The following FAM184A variants were observed in gnomAD, a reference collection of about 807,000 sequenced individuals.
The protein encoded by FAM184A is protein FAM184A.
In FAM184A, 99 loss-of-function variants were observed where a neutral mutation model predicts 143.8. That is an observed-to-expected ratio of 0.69 (90% CI 0.58 to 0.81). The LOEUF (loss-of-function observed/expected upper bound fraction) is 0.81, where lower values mean the gene tolerates loss of function less well. FAM184A is among the 40% of genes least tolerant of loss of function. The probability of loss-of-function intolerance (pLI) is 0.00; values close to 1 mark genes in which losing one functional copy is unlikely to be tolerated. For synonymous variants in FAM184A, 427 were observed against 446.4 expected (o/e 0.96, Z 0.55); for missense variants, 1,217 against 1,310.5 (o/e 0.93, Z 1.10).
chr6:119,023,561 C>A lies in FAM184A; in HGVS notation c.1014+398G>T, dbSNP rs373660562. On this transcript the variant is annotated intron_variant, in intron 2 of 17. Coordinates refer to ENST00000338891, the MANE Select transcript of FAM184A (RefSeq NM_024581.6). Reference sequence around the variant, plus strand: ...ATAATTAGCAATATTGTCCGCCCCCCCCCCCAGGAACAGCGTATTACCTCG... The same window carrying A: ...ATAATTAGCAATATTGTCCGCCCCCACCCCCAGGAACAGCGTATTACCTCG... Among the ~76,000 whole-genome samples, 37 of 119,802 alleles carry A rather than the reference C, an allele frequency of 3.1e-4. 1 individual carries two copies. The highest frequency in any genetic ancestry group is 4.9e-4 in the Non-Finnish European group (29 of 58,692). 78.6% of individuals were successfully genotyped at this position (119,802 alleles called of 152,430 possible).
chr6:119,044,377 A>G (rs2114733184), intron 1 of FAM184A, among the ~76,000 whole-genome samples: 1 of 152,278 alleles, frequency 6.6e-6, no homozygotes, highest in Non-Finnish European at 1.5e-5. Flanking sequence ...GAGACCAGGA[A>G]TTCAAGACTA....
intron 1 of FAM184A, among the ~76,000 whole-genome samples, chr6:119,027,326 T>C (rs770747989): frequency 1.3e-5 from 2 of 152,214 alleles, no homozygotes; most frequent in African/African-American, 4.8e-5. Context: ...TCACAGACCA[T>C]GGTCTTTAAG....
intron 11 of FAM184A, 132 bp downstream of exon 11, chr6:118,979,233 T>G: frequency 1.3e-6 from 1 of 795,786 alleles, no homozygotes; most frequent in Non-Finnish European, 1.9e-6. Context: ...TCAAATAAAA[T>G]ATGCAGTACA....
chr6:119,078,027 G>T lies in FAM184A; in HGVS notation c.159+114C>A. The stretch of plus-strand genomic sequence containing the variant: ...GGTGTCTCCGGCTGTTGCTTCGGCG[G>T]AGGAGTAGAGTTCCCCTCGCTGCGG... On this transcript the variant is annotated intron_variant, in intron 1 of 17. Transcript: ENST00000338891. The surrounding 1 kb of genome is among the most constrained non-coding windows in gnomAD (Gnocchi z 5.5). The T allele has an allele frequency of 8.1e-7, 1 of 1,237,956 alleles. No homozygotes were observed. Among genetic ancestry groups the T allele is most frequent in the Non-Finnish European group, 1.1e-6 (1 of 914,352 alleles). The allele number at this position is 1,237,956 out of a possible 1,614,324, so 76.7% of individuals were successfully genotyped here.
intron 1 of FAM184A, among the ~76,000 whole-genome samples, chr6:119,143,616 A>G (rs1253330694): frequency 1.3e-5 from 2 of 152,254 alleles, no homozygotes; most frequent in Admixed American, 6.5e-5. Context: ...TGAATAGAAT[A>G]TTATCCAGCC....
intron 1 of FAM184A, among the ~76,000 whole-genome samples, chr6:119,043,971 AACCC>A (rs1327518197): frequency 1.3e-5 from 2 of 152,250 alleles, no homozygotes. Context: ...GAGTAAATGA[AACCC>A]AAAACAGAAG....
At chr6:119,094,434 G>A (rs1315529527) in intron 1 of FAM184A, among the ~76,000 whole-genome samples, 7 of 152,146 alleles carry the variant, frequency 4.6e-5, no homozygotes, top group African/African-American at 1.7e-4. Context: ...TTTCATCCCA[G>A]TATTAGATAC....
intron 1 of FAM184A, among the ~76,000 whole-genome samples, chr6:119,111,189 C>T (rs1788920817): frequency 6.6e-6 from 1 of 152,124 alleles, no homozygotes; most frequent in African/African-American, 2.4e-5. Context: ...TATTATTCAG[C>T]CTCAAAAAGG....
At chr6:119,037,309 G>A (rs1786150251) in intron 1 of FAM184A, among the ~76,000 whole-genome samples, 1 of 152,120 alleles carries the variant, frequency 6.6e-6, no homozygotes, top group African/African-American at 2.4e-5. Flanking sequence ...GCAGTTGTGA[G>A]GGGTTTTTTT....
intron 1 of FAM184A, among the ~76,000 whole-genome samples, chr6:119,027,039 C>G (rs983637591): frequency 4.6e-5 from 7 of 152,036 alleles, no homozygotes; most frequent in Non-Finnish European, 4.4e-5. Context: ...CGTCCACAAC[C>G]CCCTTATCTA....
At position 119,024,207 on chromosome 6, in the gene FAM184A, G is replaced by C; in HGVS notation, c.766C>G (p.Gln256Glu). Residue 256 changes from glutamine (Q) to glutamate (E), a missense_variant, in exon 2 of 18, where the codon CAG (glutamine) becomes GAG (glutamate). Transcript: ENST00000338891. ...EDYEGKLNKAQSFYERELDTL... is the reference protein window; with the variant it reads ...EDYEGKLNKAESFYERELDTL... Reference sequence around the variant, plus strand: ...TCAAGCTCACGTTCATAAAAGGACTGAGCTTTATTCAACTTGCCTTCATAA... The same window carrying C: ...TCAAGCTCACGTTCATAAAAGGACTCAGCTTTATTCAACTTGCCTTCATAA... The C allele has an allele frequency of 6.2e-7, 1 of 1,614,212 alleles. No individual in the cohort carries two copies. The highest frequency in any genetic ancestry group is 8.5e-7 in the Non-Finnish European group (1 of 1,180,052).
At chr6:119,148,224 C>T (rs1407612423) in intron 1 of FAM184A, among the ~76,000 whole-genome samples, 1 of 152,190 alleles carries the variant, frequency 6.6e-6, no homozygotes, top group East Asian at 1.9e-4. Context: ...GGAGCCCAGG[C>T]AGGGCTTGGC....
chr6:118,970,764 C>T (rs140628407), intron 14 of FAM184A, among the ~76,000 whole-genome samples: 122 of 152,202 alleles, frequency 8.0e-4, no homozygotes, highest in African/African-American at 2.8e-3. Context: ...AGAAGTAGAA[C>T]ATATAAAATT....
chr6:119,116,625 T>C (rs1296166007), intron 1 of FAM184A, among the ~76,000 whole-genome samples: 2 of 152,164 alleles, frequency 1.3e-5, no homozygotes, highest in African/African-American at 2.4e-5. Context: ...ATAAAAACAT[T>C]ACAAGGCGAT....
intron 15 of FAM184A, among the ~76,000 whole-genome samples, chr6:118,965,189 T>C (rs1783460978): frequency 1.5e-5 from 2 of 134,552 alleles, no homozygotes; most frequent in Non-Finnish European, 3.1e-5. Context: ...CATACCCAGC[T>C]AAGTTTTTTT....
chr6:118,985,637 C>G (rs1259967008), intron 9 of FAM184A, among the ~76,000 whole-genome samples: 1 of 152,174 alleles, frequency 6.6e-6, no homozygotes, highest in East Asian at 1.9e-4. Context: ...TCCTTTCTTC[C>G]CAGTTGGCTG....
At chr6:118,992,055 C>T (rs1784398363) in intron 9 of FAM184A, among the ~76,000 whole-genome samples, 1 of 152,046 alleles carries the variant, frequency 6.6e-6, no homozygotes, top group Non-Finnish European at 1.5e-5. Flanking sequence ...TGAGCCAGCG[C>T]ACCCAGCCTC....
intron 1 of FAM184A, among the ~76,000 whole-genome samples, chr6:119,068,729 G>A (rs549426365): frequency 2.0e-5 from 3 of 151,990 alleles, no homozygotes; most frequent in African/African-American, 2.4e-5. Flanking sequence ...CATTAACTCC[G>A]GGGTTTCCAA....
At chr6:119,006,783 G>GA (rs1784932218) in intron 6 of FAM184A, among the ~76,000 whole-genome samples, 175 bp from the exon 7 acceptor site, 1 of 152,008 alleles carries the variant, frequency 6.6e-6, no homozygotes, top group Admixed American at 6.6e-5. Context: ...GCTGTGTTTT[G>GA]AAAAGACTTT....
Sources: allele counts gnomAD v4.1 joint callset (sites outside exome capture counted in the v4.1 genomes callset), GRCh38; gene constraint gnomAD v4.1.1; non-coding constraint Gnocchi (gnomAD v3.1); transcripts MANE v1.5; gene names NCBI Gene and HGNC (gene_info 2026-07-23, HGNC 2026-07-21).